The following TRPM3 variants were observed in gnomAD, a reference collection of about 807,000 sequenced individuals.
The protein encoded by TRPM3 is long transient receptor potential channel 3.
In TRPM3, 77 loss-of-function variants were observed where a neutral mutation model predicts 181.2. The ratio of observed to expected loss-of-function variants is 0.42; its 90% CI spans 0.35 to 0.51. The LOEUF (loss-of-function observed/expected upper bound fraction) is 0.51, where lower values mean the gene tolerates loss of function less well. Among genes scored for constraint, TRPM3 ranks in the 20% least tolerant of loss-of-function variants. The pLI is 0.01. For synonymous variants in TRPM3, 745 were observed against 796.4 expected, an observed-to-expected ratio of 0.94 and a Z score of 1.09; for missense variants, 1,759 against 2,196.7, an observed-to-expected ratio of 0.80 and a Z score of 3.98.
Position 70,532,322 on chromosome 9 carries a change from A to C in TRPM3, c.*3631T>G, listed in dbSNP as rs1207811542. The C allele has an allele frequency of 1.3e-5, 2 of 152,194 alleles. No individual in the cohort carries two copies. The highest frequency in any genetic ancestry group is 4.8e-5 in the African/African-American group (2 of 41,444). The allele number at this position is 152,194 out of a possible 1,614,324, so 9.4% of individuals were successfully genotyped here. ...CATTTGAAACATTCAGAAGAAACAC[A>C]TTTTGTGTTTTTATGAGTACATTTT... On this transcript the variant is annotated 3_prime_UTR_variant, in exon 26 of 26. Coordinates refer to ENST00000677713, the MANE Select transcript of TRPM3 (RefSeq NM_001366145.2).
chr9:70,789,993 C>G (rs2084967862), intron 6 of TRPM3, among the ~76,000 whole-genome samples: 2 of 152,196 alleles, frequency 1.3e-5, no homozygotes, highest in Non-Finnish European at 2.9e-5. Context: ...TCTAAGCAGT[C>G]TTTCTTCTTC....
At chr9:71,112,460 G>A (rs2071333055) in intron 1 of TRPM3, among the ~76,000 whole-genome samples, 1 of 152,064 alleles carries the variant, frequency 6.6e-6, no homozygotes. Context: ...CCAACTTGGG[G>A]AATCGATGAA....
intron 1 of TRPM3, among the ~76,000 whole-genome samples, chr9:70,884,154 G>A (rs2096048206): frequency 6.6e-6 from 1 of 152,014 alleles, no homozygotes; most frequent in Non-Finnish European, 1.5e-5. Context: ...GTTAGGGTGT[G>A]GTTTATAACA....
intron 1 of TRPM3, among the ~76,000 whole-genome samples, chr9:71,396,781 G>A (rs1394821374): frequency 6.6e-6 from 1 of 150,824 alleles, no homozygotes; most frequent in African/African-American, 2.5e-5. Flanking sequence ...GGCTAACACG[G>A]TGAAACCCCA....
intron 1 of TRPM3, among the ~76,000 whole-genome samples, chr9:70,977,508 C>G (rs1428885076): frequency 3.9e-5 from 6 of 152,358 alleles, no homozygotes; most frequent in African/African-American, 1.4e-4. Flanking sequence ...AACCAATTCT[C>G]CAACTCTCTG....
rs375284063 is a variant in TRPM3 at position 71,417,336 on chromosome 9, T to G, written c.183+29317A>C. ...CAATCATTAATTTTAGCCAATCTAA[T>G]GGGTGTATAGTGATATCTCATTATG... is the stretch of plus-strand genomic sequence containing the variant. On this transcript the variant is annotated intron_variant, in intron 1 of 24. Coordinates refer to the TRPM3 transcript ENST00000357533. 2.0e-5 allele frequency among the ~76,000 whole-genome samples: 3 copies of G among 152,160 alleles called. No individual in the cohort carries two copies. The South Asian group carries it at 6.2e-4, about 32-fold the overall frequency.
intron 1 of TRPM3, among the ~76,000 whole-genome samples, chr9:71,359,767 C>A (rs552650795): frequency 6.6e-6 from 1 of 152,220 alleles, no homozygotes; most frequent in South Asian, 2.1e-4. Flanking sequence ...GGTGTCCCAT[C>A]TTATCTGTAT....
At chr9:70,629,923 G>A (rs957951207) in intron 12 of TRPM3, among the ~76,000 whole-genome samples, 2 of 152,232 alleles carry the variant, frequency 1.3e-5, no homozygotes, top group African/African-American at 2.4e-5. Flanking sequence ...TTTATAACAT[G>A]AATAAAATTG....
chr9:71,099,137 G>A (rs2067842093), intron 1 of TRPM3, among the ~76,000 whole-genome samples: 1 of 152,156 alleles, frequency 6.6e-6, no homozygotes, highest in Admixed American at 6.6e-5. Context: ...TGAAGCCTGG[G>A]AAGTTCAAGA....
At chr9:70,844,032 T>A (rs778974118) in intron 4 of TRPM3, among the ~76,000 whole-genome samples, 1 of 152,212 alleles carries the variant, frequency 6.6e-6, no homozygotes, top group Non-Finnish European at 1.5e-5. Flanking sequence ...AATAGCTCAG[T>A]ATGTCACTTA....
intron 1 of TRPM3, among the ~76,000 whole-genome samples, chr9:71,012,725 C>T (rs2097755988): frequency 6.6e-6 from 1 of 151,598 alleles, no homozygotes; most frequent in Non-Finnish European, 1.5e-5. Context: ...AAAGCTAATA[C>T]TTTTTATATA....
chr9:70,895,929 G>A (rs2096273403), intron 1 of TRPM3, among the ~76,000 whole-genome samples: 2 of 152,138 alleles, frequency 1.3e-5, no homozygotes, highest in South Asian at 2.1e-4. Flanking sequence ...AACCAGAGGT[G>A]ACTCCAGTGA....
chr9:71,279,034 T>TAAAAAAAAAA lies in TRPM3; in HGVS notation c.183+167618_183+167619insTTTTTTTTTT, dbSNP rs200421016. Among the ~76,000 whole-genome samples the TAAAAAAAAAA allele has an allele frequency of 1.7e-4, 8 of 47,572 alleles. 1 individual carries two copies. Among genetic ancestry groups the TAAAAAAAAAA allele is most frequent in the African/African-American group, 7.3e-4 (7 of 9,626 alleles). 31.2% of individuals were successfully genotyped at this position (47,572 alleles called of 152,430 possible). A position where few individuals can be genotyped will look rare whatever the true frequency, so the allele number is the denominator to read the frequency against. On this transcript the variant is annotated intron_variant, in intron 1 of 24. Transcript: ENST00000357533. ...CCTCACCAAACTTATCCTGCTTAGG[T>TAAAAAAAAAA]TAAAAAAAATAAAAATAAAAATAAA...
chr9:70,570,756 A>G (rs1264558610), intron 22 of TRPM3, among the ~76,000 whole-genome samples: 1 of 152,200 alleles, frequency 6.6e-6, no homozygotes, highest in Non-Finnish European at 1.5e-5. Flanking sequence ...AAGTAGATTC[A>G]GGTACCAAGT....
intron 6 of TRPM3, among the ~76,000 whole-genome samples, chr9:70,787,849 A>G (rs1206944145): frequency 7.0e-6 from 1 of 142,762 alleles, no homozygotes; most frequent in Non-Finnish European, 1.5e-5. Flanking sequence ...AATAACATAT[A>G]TACAGAAAAG....
At chr9:71,229,866 A>C (rs1459225588) in intron 1 of TRPM3, among the ~76,000 whole-genome samples, 1 of 152,142 alleles carries the variant, frequency 6.6e-6, no homozygotes, top group African/African-American at 2.4e-5. Context: ...ACTGTGGAAA[A>C]CAGTTTGGAG....
chr9:70,618,747 G>T, intron 17 of TRPM3, 120 bp downstream of exon 17: 1 of 842,686 alleles, frequency 1.2e-6, no homozygotes, highest in Non-Finnish European at 1.9e-6. Context: ...GCACAGTCAG[G>T]ATTTAGAACC....
chr9:71,413,014 C>T (rs554090190), intron 1 of TRPM3, among the ~76,000 whole-genome samples: 4 of 152,066 alleles, frequency 2.6e-5, no homozygotes, highest in Admixed American at 6.6e-5. Context: ...AACCAAACAC[C>T]GCATGTTCTC....
At chr9:70,970,179 G>A (rs760212952) in intron 1 of TRPM3, among the ~76,000 whole-genome samples, 1 of 152,042 alleles carries the variant, frequency 6.6e-6, no homozygotes. Flanking sequence ...CTACTTCAAG[G>A]TTATGAATTT....
Sources: allele counts gnomAD v4.1 joint callset (sites outside exome capture counted in the v4.1 genomes callset), GRCh38; gene constraint gnomAD v4.1.1; transcripts MANE v1.5; gene names NCBI Gene and HGNC (gene_info 2026-07-23, HGNC 2026-07-21).